Variants in RBBP5 observed in about 807,000 individuals in gnomAD.
The protein encoded by RBBP5 is RB binding protein 5, histone lysine methyltransferase complex subunit, also known as retinoblastoma-binding protein 5.
A neutral mutation model predicts 72.2 loss-of-function variants in RBBP5; 5 were observed. That is an observed-to-expected ratio of 0.07 (90% CI 0.04 to 0.15). RBBP5 has a LOEUF of 0.15. RBBP5 is among the 10% of genes least tolerant of loss of function. The pLI is 1.00. For synonymous variants in RBBP5, 209 were observed against 237.2 expected, an observed-to-expected ratio of 0.88 and a Z score of 1.09; for missense variants, 322 against 652.2, an observed-to-expected ratio of 0.49 and a Z score of 5.51.
rs1391707704 is a variant in RBBP5 at position 205,096,755 on chromosome 1, T to C, written c.1323A>G (p.Ser441=). 1.9e-6 allele frequency: 3 copies of C among 1,614,224 alleles called. No homozygotes were observed. The highest frequency in any genetic ancestry group is 2.5e-6 in the Non-Finnish European group (3 of 1,180,046). ...TCTTAGGTGGCTGGGACCCATCTGC[T>C]GAGGACTGCCTCTTCTTCTCTGAAC... ...GASSEKKRQS[S]ADGSQPPKKK... is the part of the protein sequence containing the mutation. The change falls in exon 12 of 14, where the codon TCA becomes TCG. Residue 441 remains serine (S), a synonymous_variant. Coordinates refer to ENST00000264515, the MANE Select transcript of RBBP5 (RefSeq NM_005057.4).
intron 11 of RBBP5, 83 bp downstream of exon 11, chr1:205,097,243 G>A: frequency 2.3e-6 from 3 of 1,301,446 alleles, no homozygotes; most frequent in South Asian, 2.6e-5. Context: ...GGAATGAAGG[G>A]ATAGCCAGGG....
intron 6 of RBBP5, among the ~76,000 whole-genome samples, chr1:205,100,566 A>C (rs1655780231): frequency 6.6e-6 from 1 of 151,582 alleles, no homozygotes; most frequent in Admixed American, 6.6e-5. Context: ...AATGGATATA[A>C]ATACTTCATC....
At chr1:205,121,105 G>A (rs1003137747) in intron 1 of RBBP5, among the ~76,000 whole-genome samples, 7 of 152,234 alleles carry the variant, frequency 4.6e-5, no homozygotes, top group Non-Finnish European at 1.0e-4. Context: ...ACAGCAAGTA[G>A]TGCAGAAGTC....
At position 205,087,553 on chromosome 1, in the gene RBBP5, GAAAAAAA is replaced by G. The variant is rs61068820; in HGVS notation, c.*1227_*1233del. 5.2e-5 allele frequency: 4 copies of G among 77,116 alleles called. No homozygotes were observed. The highest frequency in any genetic ancestry group is 4.8e-4 in the South Asian group (1 of 2,084). 4.8% of individuals were successfully genotyped at this position (77,116 alleles called of 1,614,324 possible). On this transcript the variant is annotated 3_prime_UTR_variant, in exon 14 of 14. Transcript: ENST00000264515. ...ATTTAAATTCTCCTTTTAAAATATT[GAAAAAAA>G]AAAAAAAAAAAAAAAGACGATCCAG...
chr1:205,089,071 CAG>C (rs1468557631), intron 13 of RBBP5, among the ~76,000 whole-genome samples: 1 of 152,168 alleles, frequency 6.6e-6, no homozygotes, highest in Non-Finnish European at 1.5e-5. Flanking sequence ...GCAAAATGAT[CAG>C]AGTTCTATTT....
intron 6 of RBBP5, among the ~76,000 whole-genome samples, chr1:205,100,740 C>A (rs1414688430): frequency 6.6e-6 from 1 of 152,138 alleles, no homozygotes; most frequent in African/African-American, 2.4e-5. Context: ...CTGACTATAA[C>A]CTTTTCTTAA....
At position 205,096,698 on chromosome 1, in the gene RBBP5, T is replaced by C. The variant is rs1655632368; in HGVS notation, c.1380A>G (p.Gln460=). 1 of 1,614,076 alleles carries C rather than the reference T, an allele frequency of 6.2e-7. No homozygotes were observed. The change falls in exon 12 of 14, where the codon CAA becomes CAG. Residue 460 remains glutamine, a synonymous_variant. Transcript: ENST00000264515. The part of the protein sequence containing the change: ...KKPKTTNIEL[Q]GVPNDEVHPL... Reference sequence around the variant, plus strand: ...AGCTCTTACCATCATTTGGTACTCCTTGAAGTTCTATATTGGTTGTTTTGG... The same window carrying C: ...AGCTCTTACCATCATTTGGTACTCCCTGAAGTTCTATATTGGTTGTTTTGG...
chr1:205,094,339 G>A (rs1655530324), intron 13 of RBBP5, among the ~76,000 whole-genome samples: 1 of 152,050 alleles, frequency 6.6e-6, no homozygotes, highest in Non-Finnish European at 1.5e-5. Flanking sequence ...TTTCATTATT[G>A]CTTCTGGAAT....
intron 3 of RBBP5, among the ~76,000 whole-genome samples, chr1:205,106,198 T>G (rs950356905): frequency 6.6e-6 from 1 of 152,172 alleles, no homozygotes; most frequent in African/African-American, 2.4e-5. Context: ...TGAGGCCAAG[T>G]AAGAAGAAAC....
chr1:205,095,182 GA>G, intron 12 of RBBP5, 118 bp from the exon 13 acceptor site: 1 of 990,992 alleles, frequency 1.0e-6, no homozygotes, highest in East Asian at 2.6e-5. Context: ...TAATTATAAA[GA>G]GAAAAGTTTG....
chr1:205,094,131 T>C (rs1471541879), intron 13 of RBBP5, among the ~76,000 whole-genome samples: 2 of 152,130 alleles, frequency 1.3e-5, no homozygotes. Context: ...TTGTTTTCTG[T>C]CCCCCAATAA....
intron 1 of RBBP5, among the ~76,000 whole-genome samples, chr1:205,119,194 A>C (rs1656643426): frequency 6.6e-6 from 1 of 152,244 alleles, no homozygotes; most frequent in South Asian, 2.1e-4. Flanking sequence ...GGAGTTCCTG[A>C]CCAGGTTGGC....
chr1:205,086,730 C>A lies in RBBP5; in HGVS notation c.*2057G>T, dbSNP rs1655155452. On this transcript the variant is annotated 3_prime_UTR_variant, in exon 14 of 14. Coordinates refer to ENST00000264515, the MANE Select transcript of RBBP5 (RefSeq NM_005057.4). Reference sequence around the variant, plus strand: ...TACTGCCAGAGACAATCTGACAGGGCTGAAGATGATTTTCTCAGTAGCCAG... The same window carrying A: ...TACTGCCAGAGACAATCTGACAGGGATGAAGATGATTTTCTCAGTAGCCAG... 2 of 151,992 alleles carry A rather than the reference C, an allele frequency of 1.3e-5. No homozygotes were observed. 9.4% of individuals were successfully genotyped at this position (151,992 alleles called of 1,614,324 possible). A position where few individuals can be genotyped will look rare whatever the true frequency, so the allele number is the denominator to read the frequency against.
intron 1 of RBBP5, among the ~76,000 whole-genome samples, chr1:205,119,567 T>A (rs1656658962): frequency 6.6e-6 from 1 of 152,174 alleles, no homozygotes; most frequent in South Asian, 2.1e-4. Flanking sequence ...TGCCCTTGTC[T>A]CCCACACCAT....
intron 4 of RBBP5, 109 bp downstream of exon 4, chr1:205,104,919 A>T: frequency 8.2e-7 from 1 of 1,219,354 alleles, no homozygotes. Context: ...AGAAGGTTTG[A>T]AGAGATGTGT....
chr1:205,104,091 T>G (rs1655953508), intron 4 of RBBP5, 72 bp from the exon 5 acceptor site: 3 of 1,532,800 alleles, frequency 2.0e-6, no homozygotes, highest in Non-Finnish European at 2.7e-6. Flanking sequence ...TCCTTTTCCC[T>G]GATCCCTGTC....
intron 5 of RBBP5, among the ~76,000 whole-genome samples, chr1:205,103,420 T>C (rs1655926606): frequency 6.6e-6 from 1 of 152,192 alleles, no homozygotes; most frequent in Non-Finnish European, 1.5e-5. Context: ...TTCTACAATG[T>C]ATTCCAGAGA....
chr1:205,099,398 CAA>C lies in RBBP5; in HGVS notation c.979-294_979-293del, dbSNP rs1655736777. Reference sequence around the variant, plus strand: ...AATTTTCTTGTAAGTACACTGATTACAAACATAATTTAAAGGTGTTCAAAGTA... The same window carrying C: ...AATTTTCTTGTAAGTACACTGATTACACATAATTTAAAGGTGTTCAAAGTA... On this transcript the variant is annotated intron_variant, in intron 9 of 13. Transcript: ENST00000264515. This position sits in a 1 kb window ranked among gnomAD's most constrained non-coding sequence, Gnocchi z 4.7. 6.6e-6 allele frequency among the ~76,000 whole-genome samples: 1 copy of C among 151,958 alleles called. No individual in the cohort carries two copies. Among genetic ancestry groups the C allele is most frequent in the Non-Finnish European group, 1.5e-5 (1 of 67,990 alleles).
intron 13 of RBBP5, among the ~76,000 whole-genome samples, chr1:205,093,981 A>G (rs111984260): frequency 1.3e-5 from 2 of 152,326 alleles, no homozygotes; most frequent in South Asian, 2.1e-4. Flanking sequence ...TGTATTAACT[A>G]AAGCAGTGCT....
Sources: gnomAD v4.1 joint callset for allele counts (sites outside exome capture counted in the v4.1 genomes callset) on GRCh38, gnomAD v4.1.1 for gene constraint, Gnocchi (gnomAD v3.1) non-coding constraint, MANE v1.5 for transcripts, NCBI Gene and HGNC (gene_info 2026-07-23, HGNC 2026-07-21) for gene names.